The following SLCO3A1 variants were observed in gnomAD, a reference collection of about 807,000 sequenced individuals.
The protein encoded by SLCO3A1 is solute carrier organic anion transporter family member 3A1.
Under a neutral mutation model 63.1 loss-of-function variants are expected in SLCO3A1, and 27 were observed. The observed-to-expected ratio is 0.43, with a 90% CI of 0.32 to 0.59. SLCO3A1 has a LOEUF of 0.59. SLCO3A1 is among the 20% of genes least tolerant of loss of function. SLCO3A1 has a pLI of 0.09. For missense variants in SLCO3A1, 773 were observed against 945.8 expected (o/e 0.82, Z 2.40); for synonymous variants, 473 against 409.9 (o/e 1.15, Z -1.86).
intron 1 of SLCO3A1, among the ~76,000 whole-genome samples, chr15:91,902,196 A>G (rs1024300503): frequency 3.3e-5 from 5 of 151,678 alleles, no homozygotes; most frequent in African/African-American, 1.2e-4. Context: ...TATTTTCTGT[A>G]TCTCTTTTTT....
chr15:92,170,817 A>C (rs1224648020), downstream of SLCO3A1: 1 of 152,244 alleles, frequency 6.6e-6, no homozygotes, highest in Non-Finnish European at 1.5e-5. Context: ...CCACATCAGC[A>C]GGAACTTCCC....
intron 2 of SLCO3A1, among the ~76,000 whole-genome samples, chr15:91,919,684 C>A (rs761932491): frequency 2.3e-4 from 35 of 152,076 alleles, no homozygotes; most frequent in Admixed American, 3.9e-4. Context: ...GAACACAAGT[C>A]GTATTTGCTT....
intron 2 of SLCO3A1, among the ~76,000 whole-genome samples, chr15:91,990,331 G>A (rs2046110850): frequency 6.6e-6 from 1 of 152,150 alleles, no homozygotes; most frequent in Admixed American, 6.5e-5. Context: ...GAGCACCAGG[G>A]CCACTGTGGG....
At chr15:91,949,704 G>T (rs1344233284) in intron 2 of SLCO3A1, among the ~76,000 whole-genome samples, 1 of 151,932 alleles carries the variant, frequency 6.6e-6, no homozygotes, top group South Asian at 2.1e-4. Flanking sequence ...AAAGTGTGTT[G>T]GTGGTTGCCT....
At chr15:92,004,773 C>T (rs1412848653) in intron 2 of SLCO3A1, among the ~76,000 whole-genome samples, 4 of 152,116 alleles carry the variant, frequency 2.6e-5, no homozygotes, top group East Asian at 1.9e-4. Flanking sequence ...GCATTAGTCC[C>T]GACTGAAATC....
intron 9 of SLCO3A1, among the ~76,000 whole-genome samples, chr15:92,152,797 TC>T (rs1292903361): frequency 6.6e-6 from 1 of 152,100 alleles, no homozygotes; most frequent in Non-Finnish European, 1.5e-5. Context: ...CCATGAACCA[TC>T]CCCAGGTAAG....
At chr15:91,961,437 G>A (rs1186691535) in intron 2 of SLCO3A1, among the ~76,000 whole-genome samples, 1 of 152,232 alleles carries the variant, frequency 6.6e-6, no homozygotes, top group East Asian at 1.9e-4. Context: ...CAGAAGAACA[G>A]CTCTCTGGTT....
At chr15:91,956,336 C>T (rs1250973709) in intron 2 of SLCO3A1, among the ~76,000 whole-genome samples, 2 of 152,118 alleles carry the variant, frequency 1.3e-5, no homozygotes, top group African/African-American at 4.8e-5. Flanking sequence ...GGGGATAAAG[C>T]GTGACTCTCA....
Position 91,854,206 on chromosome 15 carries a change from G to C in SLCO3A1, c.180+118G>C. On this transcript the variant is annotated intron_variant, in intron 1 of 9. Transcript: ENST00000318445. This position sits in a 1 kb window ranked among gnomAD's most constrained non-coding sequence, Gnocchi z 6.4. ...GGGCAGGCGGGCATGACCTCGGCCC[G>C]GCGTGGAGGTTGGCGAGTGGTGCAG... 1 of 1,150,690 alleles carries C rather than the reference G, an allele frequency of 8.7e-7. No individual in the cohort carries two copies. Among genetic ancestry groups the C allele is most frequent in the Non-Finnish European group, 1.1e-6 (1 of 899,812 alleles). The allele number at this position is 1,150,690 out of a possible 1,614,324, so 71.3% of individuals were successfully genotyped here.
At chr15:92,128,314 T>C in intron 6 of SLCO3A1, 37 bp from the exon 7 acceptor site, 1 of 1,613,200 alleles carries the variant, frequency 6.2e-7, no homozygotes, top group Non-Finnish European at 8.5e-7. Flanking sequence ...CGAATTGACC[T>C]GTTTCTAATG....
intron 7 of SLCO3A1, among the ~76,000 whole-genome samples, chr15:92,134,948 T>C (rs1201570700): frequency 6.6e-6 from 1 of 151,590 alleles, no homozygotes; most frequent in Admixed American, 6.6e-5. Flanking sequence ...GAGACCCCCA[T>C]CTCTGAAAAG....
intron 2 of SLCO3A1, among the ~76,000 whole-genome samples, chr15:91,998,157 T>C (rs576222407): frequency 6.6e-6 from 1 of 152,246 alleles, no homozygotes; most frequent in East Asian, 1.9e-4. Flanking sequence ...AACAACCTCA[T>C]TAAAAAGTGG....
Position 92,165,786 on chromosome 15 carries a change from C to T in SLCO3A1, c.*2651C>T. 2 of 985,354 alleles carry T rather than the reference C, an allele frequency of 2.0e-6. No homozygotes were observed. The highest frequency in any genetic ancestry group is 2.4e-6 in the Non-Finnish European group (2 of 829,884). 61.0% of individuals were successfully genotyped at this position (985,354 alleles called of 1,614,324 possible). On this transcript the variant is annotated 3_prime_UTR_variant, in exon 10 of 10. Transcript: ENST00000318445. ...CTAAAGAAGCATTGTACATACAACACTAGATCCAGCCCCTCGATTATCTGT... is the reference window on the plus strand; with the variant it reads ...CTAAAGAAGCATTGTACATACAACATTAGATCCAGCCCCTCGATTATCTGT...
In SLCO3A1 at chr15:91,860,285, A is replaced by T. The variant is rs1478598768; in HGVS notation, c.180+6197A>T. ...AGAATGTTGGACTTGGAGTTGGAAG[A>T]CCTGGATTTGAACTTAGACTTGCTA... On this transcript the variant is annotated intron_variant, in intron 1 of 9. Transcript: ENST00000318445. The surrounding 1 kb of genome is among the most constrained non-coding windows in gnomAD (Gnocchi z 5.5). Among the ~76,000 whole-genome samples, 1 of 152,142 alleles carries T rather than the reference A, an allele frequency of 6.6e-6. No individual in the cohort carries two copies. Among genetic ancestry groups the T allele is most frequent in the East Asian group, 1.9e-4 (1 of 5,194 alleles).
At chr15:92,109,224 G>A (rs1414444643) in intron 4 of SLCO3A1, among the ~76,000 whole-genome samples, 2 of 152,152 alleles carry the variant, frequency 1.3e-5, no homozygotes, top group African/African-American at 4.8e-5. Context: ...GCTTGTAGAT[G>A]GAAGGGAAAG....
chr15:91,983,635 A>G (rs975809000), intron 2 of SLCO3A1, among the ~76,000 whole-genome samples: 3 of 152,190 alleles, frequency 2.0e-5, no homozygotes. Context: ...GTAAAAGCGC[A>G]TTTGTTTGGT....
intron 3 of SLCO3A1, among the ~76,000 whole-genome samples, chr15:92,104,041 G>A (rs1056953211): frequency 6.6e-6 from 1 of 152,190 alleles, no homozygotes; most frequent in African/African-American, 2.4e-5. Context: ...TGTTTAGACC[G>A]ATATAAACAC....
At chr15:92,161,169 T>G (rs143170296) in intron 9 of SLCO3A1, among the ~76,000 whole-genome samples, 1 of 152,174 alleles carries the variant, frequency 6.6e-6, no homozygotes, top group Admixed American at 6.5e-5. Context: ...TCACTGAAGA[T>G]GGTTGGCACT....
At chr15:91,888,828 A>G (rs1897792884) in intron 1 of SLCO3A1, among the ~76,000 whole-genome samples, 1 of 151,874 alleles carries the variant, frequency 6.6e-6, no homozygotes, top group Non-Finnish European at 1.5e-5. Flanking sequence ...ACAAAAAAAC[A>G]AAACAAAACA....
Sources: gnomAD v4.1 joint callset for allele counts (sites outside exome capture counted in the v4.1 genomes callset) on GRCh38, gnomAD v4.1.1 for gene constraint, Gnocchi (gnomAD v3.1) non-coding constraint, MANE v1.5 for transcripts, NCBI Gene and HGNC (gene_info 2026-07-23, HGNC 2026-07-21) for gene names.